Variants in RYR2 observed in about 807,000 individuals in gnomAD.
The protein encoded by RYR2 is cardiac muscle ryanodine receptor-calcium release channel.
Under a neutral mutation model 601.1 loss-of-function variants are expected in RYR2, and 227 were observed. The ratio of observed to expected loss-of-function variants is 0.38; its 90% CI spans 0.34 to 0.42. RYR2 has a LOEUF of 0.42. Ranked by LOEUF, RYR2 falls within the 10% of genes least tolerant of loss-of-function variation. RYR2 has a pLI of 1.00. For missense variants in RYR2, 4,646 were observed against 6,156.5 expected, an observed-to-expected ratio of 0.75 and a Z score of 8.21; for synonymous variants, 2,223 against 2,175.1, an observed-to-expected ratio of 1.02 and a Z score of -0.61.
intron 35 of RYR2, among the ~76,000 whole-genome samples, chr1:237,604,684 T>C (rs969314322): frequency 3.3e-5 from 5 of 151,408 alleles, no homozygotes; most frequent in African/African-American, 1.2e-4. Flanking sequence ...CCAAGACTAA[T>C]AAAGAAGAAA....
At chr1:237,713,731 A>T (rs1689031267) in intron 71 of RYR2, among the ~76,000 whole-genome samples, 1 of 152,168 alleles carries the variant, frequency 6.6e-6, no homozygotes, top group East Asian at 1.9e-4. Context: ...ATAGATAGAT[A>T]GATAGGTAGA....
intron 1 of RYR2, among the ~76,000 whole-genome samples, chr1:237,127,975 G>T (rs1671714778): frequency 6.6e-6 from 1 of 152,230 alleles, no homozygotes; most frequent in African/African-American, 2.4e-5. Context: ...TCACTTCCCA[G>T]ATGGGGTGGC....
chr1:237,402,607 T>C (rs1703453206), intron 10 of RYR2, among the ~76,000 whole-genome samples: 1 of 152,160 alleles, frequency 6.6e-6, no homozygotes. Flanking sequence ...CAGAAGACTA[T>C]TCAGACTAAA....
intron 71 of RYR2, among the ~76,000 whole-genome samples, chr1:237,714,775 G>T (rs771916384): frequency 6.6e-6 from 1 of 151,788 alleles, no homozygotes; most frequent in African/African-American, 2.4e-5. Flanking sequence ...TGGATCACGA[G>T]GTCAGGAGTT....
At chr1:237,394,525 G>A (rs762371597) in intron 10 of RYR2, among the ~76,000 whole-genome samples, 5 of 152,198 alleles carry the variant, frequency 3.3e-5, no homozygotes, top group South Asian at 4.1e-4. Context: ...ACCTGCCTGC[G>A]GCTCAGCTGC....
chr1:237,575,047 A>C (rs1164541820), intron 29 of RYR2, among the ~76,000 whole-genome samples: 2 of 152,192 alleles, frequency 1.3e-5, no homozygotes, highest in Admixed American at 6.5e-5. Flanking sequence ...GACTCACAAG[A>C]CTATCAAAGA....
intron 1 of RYR2, among the ~76,000 whole-genome samples, chr1:237,153,043 C>G (rs1250419701): frequency 1.3e-5 from 2 of 152,166 alleles, no homozygotes; most frequent in African/African-American, 4.8e-5. Context: ...GTAACAGTCA[C>G]TGTGCTGGTT....
chr1:237,401,384 G>A (rs1703331732), intron 10 of RYR2, among the ~76,000 whole-genome samples: 1 of 151,934 alleles, frequency 6.6e-6, no homozygotes, highest in African/African-American at 2.4e-5. Flanking sequence ...ACCACTTGCG[G>A]TTCTGACCAA....
At chr1:237,470,009 C>T (rs1660530453) in intron 17 of RYR2, among the ~76,000 whole-genome samples, 1 of 152,176 alleles carries the variant, frequency 6.6e-6, no homozygotes, top group Non-Finnish European at 1.5e-5. Context: ...TCTCTAGTGC[C>T]ATAGATTGCC....
At chr1:237,712,036 G>A (rs1413095789) in intron 71 of RYR2, among the ~76,000 whole-genome samples, 199 bp downstream of exon 71, 2 of 152,028 alleles carry the variant, frequency 1.3e-5, no homozygotes, top group East Asian at 3.9e-4. Flanking sequence ...CATGCAGACG[G>A]GAAATGACTG....
intron 50 of RYR2, among the ~76,000 whole-genome samples, chr1:237,650,522 C>T (rs1682625828): frequency 6.6e-6 from 1 of 152,106 alleles, no homozygotes; most frequent in Non-Finnish European, 1.5e-5. Flanking sequence ...AATATTAAAC[C>T]ATATTTATGT....
At chr1:237,660,786 T>C in intron 55 of RYR2, 24 bp from the exon 56 acceptor site, 2 of 1,529,268 alleles carry the variant, frequency 1.3e-6, no homozygotes, top group South Asian at 1.2e-5. Flanking sequence ...ATATATCTGT[T>C]GTTTCTTGTT....
chr1:237,334,460 T>TATAC (rs1491020433), intron 3 of RYR2, among the ~76,000 whole-genome samples: 1 of 150,150 alleles, frequency 6.7e-6, no homozygotes, highest in Non-Finnish European at 1.5e-5. Context: ...TATATATATA[T>TATAC]GTTAAAAGAG....
intron 1 of RYR2, among the ~76,000 whole-genome samples, chr1:237,147,765 G>A (rs1011304846): frequency 1.1e-4 from 17 of 152,204 alleles, no homozygotes; most frequent in Admixed American, 1.0e-3. Flanking sequence ...AATCCTTTGC[G>A]ATCCCGCAAC....
chr1:237,630,518 A>C (rs1364897678), intron 41 of RYR2, among the ~76,000 whole-genome samples: 2 of 152,188 alleles, frequency 1.3e-5, no homozygotes, highest in South Asian at 4.1e-4. Flanking sequence ...AAAGTTTTGC[A>C]TATGACTAAA....
At chr1:237,081,948 A>G (rs1027018354) in intron 1 of RYR2, among the ~76,000 whole-genome samples, 8 of 152,148 alleles carry the variant, frequency 5.3e-5, no homozygotes, top group African/African-American at 1.9e-4. Flanking sequence ...GCAAAGGGAA[A>G]GGCTAATTAC....
intron 1 of RYR2, among the ~76,000 whole-genome samples, chr1:237,130,199 C>T (rs2148698188): frequency 6.6e-6 from 1 of 152,208 alleles, no homozygotes; most frequent in East Asian, 1.9e-4. Flanking sequence ...TCACGTTGTA[C>T]ACAGCAAATA....
chr1:237,048,727 T>C (rs1308800909), intron 1 of RYR2, among the ~76,000 whole-genome samples: 1 of 152,194 alleles, frequency 6.6e-6, no homozygotes, highest in Non-Finnish European at 1.5e-5. Flanking sequence ...GAGAATGCTC[T>C]GACCCTGATG....
intron 1 of RYR2, among the ~76,000 whole-genome samples, chr1:237,092,719 G>A (rs944406106): frequency 6.6e-6 from 1 of 152,034 alleles, no homozygotes. Flanking sequence ...TAGTTGAGAT[G>A]GGAGTTTCAC....
Sources: gnomAD v4.1 joint callset for allele counts (sites outside exome capture counted in the v4.1 genomes callset) on GRCh38, gnomAD v4.1.1 for gene constraint, MANE v1.5 for transcripts, NCBI Gene and HGNC (gene_info 2026-07-23, HGNC 2026-07-21) for gene names.